Variants in XKR9 observed in about 807,000 individuals in gnomAD.
The protein encoded by XKR9 is XK-related protein 9.
Under a neutral mutation model 32.0 loss-of-function variants are expected in XKR9, and 32 were observed. That is an observed-to-expected ratio of 1.00 (90% CI 0.76 to 1.34). The LOEUF (loss-of-function observed/expected upper bound fraction) is 1.34, where lower values mean the gene tolerates loss of function less well. XKR9 is among the 40% of genes most tolerant of loss of function. The probability of loss-of-function intolerance (pLI) is 0.00; values close to 1 mark genes in which losing one functional copy is unlikely to be tolerated. For missense variants in XKR9, 546 were observed against 429.7 expected (o/e 1.27, Z -2.39); for synonymous variants, 168 against 143.4 (o/e 1.17, Z -1.22).
intron 4 of XKR9, among the ~76,000 whole-genome samples, chr8:70,708,217 A>T (rs1345797623): frequency 6.6e-6 from 1 of 151,978 alleles, no homozygotes; most frequent in Non-Finnish European, 1.5e-5. Context: ...ATGATACGGA[A>T]CCCTTAACAG....
the XKR9 span, among the ~76,000 whole-genome samples, chr8:71,041,359 A>G: frequency 6.6e-6 from 1 of 152,174 alleles, no homozygotes; most frequent in Non-Finnish European, 1.5e-5. Flanking sequence ...ACATCTTGGG[A>G]AAGAAGAAGT....
At chr8:70,800,304 A>G in the XKR9 span, among the ~76,000 whole-genome samples, 1 of 152,110 alleles carries the variant, frequency 6.6e-6, no homozygotes, top group Non-Finnish European at 1.5e-5. Context: ...TTCATCAAGG[A>G]TATTAGCCTA....
the XKR9 span, among the ~76,000 whole-genome samples, chr8:70,805,703 C>T: frequency 1.3e-5 from 2 of 152,220 alleles, no homozygotes; most frequent in Admixed American, 6.5e-5. Flanking sequence ...GGCTTCCCTG[C>T]AGGAACTCCA....
chr8:70,778,399 CT>C (rs1439385618), intron 2 of XKR9, among the ~76,000 whole-genome samples: 3 of 152,094 alleles, frequency 2.0e-5, no homozygotes, highest in African/African-American at 4.8e-5. Context: ...CAGCTTTGTT[CT>C]TTTTGCTTAG....
chr8:70,899,527 G>A, the XKR9 span, among the ~76,000 whole-genome samples: 1 of 151,590 alleles, frequency 6.6e-6, no homozygotes, highest in African/African-American at 2.4e-5. Flanking sequence ...TGATAAATGT[G>A]TAAATAAAAC....
chr8:70,834,586 C>T, the XKR9 span, among the ~76,000 whole-genome samples: 1 of 152,108 alleles, frequency 6.6e-6, no homozygotes, highest in African/African-American at 2.4e-5. Context: ...TTATTAGTCT[C>T]ATCTAATTTT....
the XKR9 span, among the ~76,000 whole-genome samples, chr8:71,050,903 C>A: frequency 6.6e-6 from 1 of 152,068 alleles, no homozygotes; most frequent in Non-Finnish European, 1.5e-5. Context: ...AAAGCAAATT[C>A]TAAAAGTAGA....
the XKR9 span, among the ~76,000 whole-genome samples, chr8:71,050,712 A>T: frequency 6.6e-6 from 1 of 152,168 alleles, no homozygotes; most frequent in Non-Finnish European, 1.5e-5. Context: ...TAGACAACAC[A>T]TGGGGGAAGT....
At chr8:70,921,537 A>G in the XKR9 span, among the ~76,000 whole-genome samples, 1 of 152,082 alleles carries the variant, frequency 6.6e-6, no homozygotes, top group Non-Finnish European at 1.5e-5. Flanking sequence ...TATCCAGCTC[A>G]TTTCTCTTTT....
At chr8:70,939,781 C>T in the XKR9 span, among the ~76,000 whole-genome samples, 1 of 151,910 alleles carries the variant, frequency 6.6e-6, no homozygotes, top group African/African-American at 2.4e-5. Flanking sequence ...AGACATGGTC[C>T]ATATGTTTTA....
intron 2 of XKR9, among the ~76,000 whole-genome samples, chr8:70,746,077 C>A (rs1421817926): frequency 6.6e-6 from 1 of 151,906 alleles, no homozygotes; most frequent in African/African-American, 2.4e-5. Context: ...TAAATGGTAT[C>A]CTTCATTTTA....
chr8:70,853,163 C>G, the XKR9 span, among the ~76,000 whole-genome samples: 4 of 152,122 alleles, frequency 2.6e-5, no homozygotes, highest in African/African-American at 9.6e-5. Flanking sequence ...ACAAACCTCT[C>G]ATGTTCTCAC....
At chr8:70,811,632 A>G in the XKR9 span, among the ~76,000 whole-genome samples, 1 of 152,232 alleles carries the variant, frequency 6.6e-6, no homozygotes. Context: ...CCACAGAAAT[A>G]CAAACTACCA....
the XKR9 span, among the ~76,000 whole-genome samples, chr8:70,828,519 T>C: frequency 6.6e-6 from 1 of 150,866 alleles, no homozygotes; most frequent in Non-Finnish European, 1.5e-5. Context: ...AGGTCAGGAG[T>C]TCGAGGCCAG....
chr8:70,975,477 A>G, the XKR9 span, among the ~76,000 whole-genome samples: 2 of 152,196 alleles, frequency 1.3e-5, no homozygotes, highest in African/African-American at 4.8e-5. Context: ...CAGTTTTCCC[A>G]GCACCATTTA....
the XKR9 span, among the ~76,000 whole-genome samples, chr8:70,804,335 C>A: frequency 1.3e-5 from 2 of 152,204 alleles, no homozygotes; most frequent in Non-Finnish European, 2.9e-5. Flanking sequence ...CTGGGTCAGG[C>A]AATTTTATAG....
intron 2 of XKR9, among the ~76,000 whole-genome samples, chr8:70,762,795 C>A: frequency 6.6e-6 from 1 of 152,142 alleles, no homozygotes; most frequent in East Asian, 1.9e-4. Flanking sequence ...TTAAGGGACC[C>A]TTGTAGTTCC....
intron 2 of XKR9, among the ~76,000 whole-genome samples, 177 bp downstream of exon 2, chr8:70,675,076 G>A (rs552870066): frequency 2.0e-5 from 3 of 152,272 alleles, no homozygotes; most frequent in East Asian, 3.9e-4. Context: ...GATTGAAACC[G>A]TTTGTGTTAA....
At chr8:71,039,586 A>G in the XKR9 span, among the ~76,000 whole-genome samples, 1 of 152,214 alleles carries the variant, frequency 6.6e-6, no homozygotes, top group Non-Finnish European at 1.5e-5. Context: ...ACAGTCAAAT[A>G]TTTATTCTTT....
Sources: allele counts gnomAD v4.1 joint callset (sites outside exome capture counted in the v4.1 genomes callset), GRCh38; gene constraint gnomAD v4.1.1; transcripts MANE v1.5; gene names NCBI Gene and HGNC (gene_info 2026-07-23, HGNC 2026-07-21).